Variants in CAMK2B observed in about 807,000 individuals in gnomAD.
CAMK2B encodes the protein calcium/calmodulin dependent protein kinase II beta.
In CAMK2B, 27 loss-of-function variants were observed where a neutral mutation model predicts 93.7. The ratio of observed to expected loss-of-function variants is 0.29; its 90% CI spans 0.21 to 0.40. The LOEUF is 0.40. Ranked by LOEUF, CAMK2B falls within the 10% of genes least tolerant of loss-of-function variation. The pLI is 1.00. For synonymous variants in CAMK2B, 374 were observed against 358.8 expected (o/e 1.04, Z -0.48); for missense variants, 568 against 895.8 (o/e 0.63, Z 4.67).
chr7:44,234,591 T>A, intron 14 of CAMK2B, 48 bp downstream of exon 14: 1 of 1,610,206 alleles, frequency 6.2e-7, no homozygotes. Flanking sequence ...GGGGTGAAGC[T>A]GCAGGCTCTG....
intron 1 of CAMK2B, among the ~76,000 whole-genome samples, chr7:44,323,361 A>G (rs1409886343): frequency 3.9e-5 from 6 of 152,170 alleles, no homozygotes; most frequent in Admixed American, 3.3e-4. Context: ...GCTCCTTTCC[A>G]GCAGCAGCTC....
At chr7:44,220,477 G>T (rs968243814) in intron 22 of CAMK2B, 139 bp downstream of exon 22, 1 of 863,262 alleles carries the variant, frequency 1.2e-6, no homozygotes, top group Non-Finnish European at 1.8e-6. Context: ...GGCCTCTGGC[G>T]GGGGAGAGGT....
At chr7:44,275,976 C>T (rs2097032759) in intron 2 of CAMK2B, among the ~76,000 whole-genome samples, 3 of 152,154 alleles carry the variant, frequency 2.0e-5, no homozygotes, top group Non-Finnish European at 2.9e-5. Flanking sequence ...AGAGAGCAAA[C>T]TTAAAGGCAG....
At chr7:44,266,884 A>G (rs2096925725) in intron 2 of CAMK2B, 2 of 152,246 alleles carry the variant, frequency 1.3e-5, no homozygotes, top group Non-Finnish European at 1.5e-5. Context: ...CCAATGACAA[A>G]GAAACCCCAA....
chr7:44,232,120 G>A (rs905914664), intron 16 of CAMK2B, among the ~76,000 whole-genome samples: 1 of 152,236 alleles, frequency 6.6e-6, no homozygotes, highest in African/African-American at 2.4e-5. Flanking sequence ...CCTGGTCCCT[G>A]CCATGGAGAA....
chr7:44,279,312 T>G (rs145114972), intron 2 of CAMK2B, among the ~76,000 whole-genome samples: 71 of 152,312 alleles, frequency 4.7e-4, no homozygotes, highest in African/African-American at 1.6e-3. Context: ...TGTTTGAAAT[T>G]TTCCACCATA....
chr7:44,273,954 G>A (rs1202808246), intron 2 of CAMK2B, among the ~76,000 whole-genome samples: 1 of 152,128 alleles, frequency 6.6e-6, no homozygotes, highest in African/African-American at 2.4e-5. Flanking sequence ...TTAAGGTATT[G>A]AGGAGAAAGA....
At chr7:44,307,493 C>T (rs1792229910) in intron 1 of CAMK2B, among the ~76,000 whole-genome samples, 1 of 151,872 alleles carries the variant, frequency 6.6e-6, no homozygotes, top group Non-Finnish European at 1.5e-5. Flanking sequence ...CAGCCTGGGG[C>T]CTCCTGTGTC....
chr7:44,299,463 G>A (rs1475699209), intron 1 of CAMK2B, among the ~76,000 whole-genome samples: 2 of 152,104 alleles, frequency 1.3e-5, no homozygotes, highest in East Asian at 3.8e-4. Flanking sequence ...GGTGGTGATG[G>A]TAGCACAACA....
At chr7:44,259,013 A>G in intron 3 of CAMK2B, 87 bp from the exon 4 acceptor site, 1 of 1,195,334 alleles carries the variant, frequency 8.4e-7, no homozygotes, top group South Asian at 1.3e-5. Context: ...GCACACCACC[A>G]GCGGTGTAAG....
chr7:44,229,716 G>A (rs186530158), intron 17 of CAMK2B: 29 of 454,734 alleles, frequency 6.4e-5, no homozygotes, highest in East Asian at 5.4e-4. Context: ...ACACGGGACC[G>A]GTGCCAGAGC....
chr7:44,228,141 G>A (rs1361568534), intron 19 of CAMK2B, among the ~76,000 whole-genome samples: 2 of 152,066 alleles, frequency 1.3e-5, no homozygotes, highest in South Asian at 2.1e-4. Context: ...AGTGGCCCTT[G>A]AGGAACGCTG....
rs372223251 is a variant in CAMK2B at position 44,220,946 on chromosome 7, C to G, written c.1598-45G>C. The G allele has an allele frequency of 3.2e-4, 482 of 1,486,076 alleles. 8 individuals are homozygous for G. The South Asian group carries it at 5.5e-3, about 17-fold the overall frequency. The allele number at this position is 1,486,076 out of a possible 1,614,324, so 92.1% of individuals were successfully genotyped here. ...GGTGACCACTGGGCGCTGGCCCATT[C>G]CCCCCGGACCCCTCCACACAGCCCA... On this transcript the variant is annotated intron_variant, in intron 20 of 23. Transcript: ENST00000395749.
At chr7:44,272,516 C>T (rs537393537) in intron 2 of CAMK2B, among the ~76,000 whole-genome samples, 8 of 152,204 alleles carry the variant, frequency 5.3e-5, no homozygotes, top group Non-Finnish European at 1.2e-4. Context: ...GCAATTAACC[C>T]GCCAGCAGCT....
intron 1 of CAMK2B, among the ~76,000 whole-genome samples, chr7:44,301,847 AAAAAG>A (rs766917997): frequency 5.9e-5 from 9 of 152,194 alleles, no homozygotes; most frequent in Non-Finnish European, 1.2e-4. Flanking sequence ...AAGAAACTAG[AAAAAG>A]AAAAGCAAAT....
intron 16 of CAMK2B, among the ~76,000 whole-genome samples, chr7:44,231,421 T>C (rs568748557): frequency 2.0e-5 from 3 of 152,270 alleles, no homozygotes; most frequent in Non-Finnish European, 4.4e-5. Flanking sequence ...CCCCAACACA[T>C]GAGGGCTCCA....
chr7:44,240,851 CATT>C (rs1296020941), intron 11 of CAMK2B, 102 bp from the exon 12 acceptor site: 1 of 1,262,844 alleles, frequency 7.9e-7, no homozygotes, highest in Non-Finnish European at 1.1e-6. Context: ...TGCTCAGCCT[CATT>C]GTCATGAGGC....
At chr7:44,231,628 C>G (rs1342547199) in intron 16 of CAMK2B, among the ~76,000 whole-genome samples, 3 of 152,248 alleles carry the variant, frequency 2.0e-5, no homozygotes, top group African/African-American at 7.2e-5. Context: ...GCACAGGGCT[C>G]CAGGAACCTT....
rs1793607356 is a variant in CAMK2B, at chr7:44,311,711, C to T, written c.65+13646G>A. Among the ~76,000 whole-genome samples the T allele has an allele frequency of 6.6e-6, 1 of 152,228 alleles. No individual in the cohort carries two copies. The highest frequency in any genetic ancestry group is 1.5e-5 in the Non-Finnish European group (1 of 68,044). ...CATCCTTCACACAGGACCCCCACCG[C>T]CCCAGCTCTGGGCCTCAGGGACAAC... On this transcript the variant is annotated intron_variant, in intron 1 of 23. Coordinates refer to ENST00000395749, the MANE Select transcript of CAMK2B (RefSeq NM_001220.5). The surrounding 1 kb of genome is among the most constrained non-coding windows in gnomAD (Gnocchi z 4.2).
Sources: gnomAD v4.1 joint callset for allele counts (sites outside exome capture counted in the v4.1 genomes callset) on GRCh38, gnomAD v4.1.1 for gene constraint, Gnocchi (gnomAD v3.1) non-coding constraint, MANE v1.5 for transcripts, NCBI Gene and HGNC (gene_info 2026-07-23, HGNC 2026-07-21) for gene names.